SHISA6: variants seen among roughly 807,000 people sequenced by gnomAD.
SHISA6 encodes shisa family member 6.
SHISA6 carries 22 observed loss-of-function variants against 47.9 expected under a neutral mutation model. The ratio of observed to expected loss-of-function variants is 0.46; its 90% CI spans 0.33 to 0.66. The LOEUF (loss-of-function observed/expected upper bound fraction) is 0.66. Among genes scored for constraint, SHISA6 ranks in the 30% least tolerant of loss-of-function variants. The pLI is 0.02. For synonymous variants in SHISA6, 388 were observed against 337.8 expected, an observed-to-expected ratio of 1.15 and a Z score of -1.63; for missense variants, 680 against 764.6, an observed-to-expected ratio of 0.89 and a Z score of 1.30.
intron 3 of SHISA6, among the ~76,000 whole-genome samples, chr17:11,502,302 G>A (rs556909609): frequency 2.0e-5 from 3 of 151,360 alleles, no homozygotes; most frequent in African/African-American, 7.3e-5. Context: ...CCAGCTACTC[G>A]GGAGGCTGAG....
chr17:11,407,951 A>C (rs1914011632), intron 3 of SHISA6, among the ~76,000 whole-genome samples: 1 of 152,176 alleles, frequency 6.6e-6, no homozygotes, highest in Admixed American at 6.5e-5. Context: ...CTCACATTTG[A>C]AAAACCAAGA....
At chr17:11,300,730 T>C (rs1362119382) in intron 2 of SHISA6, among the ~76,000 whole-genome samples, 5 of 151,422 alleles carry the variant, frequency 3.3e-5, no homozygotes, top group Non-Finnish European at 7.4e-5. Flanking sequence ...TCATAAGAGA[T>C]GGCTCTAGGA....
At chr17:11,551,858 G>A (rs1305852387) in intron 3 of SHISA6, 38 bp from the exon 4 acceptor site, 1 of 1,523,338 alleles carries the variant, frequency 6.6e-7, no homozygotes, top group Non-Finnish European at 8.9e-7. Context: ...TGGAATGCCT[G>A]AACTCTTCTT....
intron 3 of SHISA6, among the ~76,000 whole-genome samples, chr17:11,411,096 G>C (rs1914101634): frequency 6.6e-6 from 1 of 151,910 alleles, no homozygotes; most frequent in African/African-American, 2.4e-5. Flanking sequence ...AGCCTCCTGA[G>C]TAGCTGGGAC....
chr17:11,283,752 GT>G (rs2142162892), intron 2 of SHISA6, among the ~76,000 whole-genome samples: 1 of 152,316 alleles, frequency 6.6e-6, no homozygotes, highest in South Asian at 2.1e-4. Context: ...GTAAGGTGCA[GT>G]TTTGGATTTC....
chr17:11,491,396 G>A (rs989364451), intron 3 of SHISA6, among the ~76,000 whole-genome samples: 2 of 152,130 alleles, frequency 1.3e-5, no homozygotes, highest in Non-Finnish European at 2.9e-5. Flanking sequence ...CAACTCACAG[G>A]TTCAAGCAAT....
chr17:11,503,548 C>A (rs1026127924), intron 3 of SHISA6, among the ~76,000 whole-genome samples: 2 of 152,210 alleles, frequency 1.3e-5, no homozygotes, highest in African/African-American at 2.4e-5. Flanking sequence ...CTCAGCCTGA[C>A]AGTCGGTTTC....
At chr17:11,256,231 ACAC>A (rs1280216471) in intron 1 of SHISA6, among the ~76,000 whole-genome samples, 1 of 152,174 alleles carries the variant, frequency 6.6e-6, no homozygotes, top group East Asian at 1.9e-4. Flanking sequence ...ACGGTGGCTC[ACAC>A]CTGTAGTCTC....
At chr17:11,474,871 A>G (rs1916017292) in intron 3 of SHISA6, among the ~76,000 whole-genome samples, 1 of 152,196 alleles carries the variant, frequency 6.6e-6, no homozygotes, top group Non-Finnish European at 1.5e-5. Flanking sequence ...TAATATCCAC[A>G]ATATCCACAA....
At chr17:11,467,403 A>G (rs1442893815) in intron 3 of SHISA6, among the ~76,000 whole-genome samples, 5 of 152,172 alleles carry the variant, frequency 3.3e-5, no homozygotes, top group African/African-American at 7.2e-5. Context: ...TAGAATGACA[A>G]TGGTCCTTCA....
intron 3 of SHISA6, among the ~76,000 whole-genome samples, chr17:11,388,790 T>TTATATATATATA (rs56048344): frequency 7.6e-4 from 38 of 50,012 alleles, no homozygotes; most frequent in Non-Finnish European, 1.1e-3. Context: ...AAACAAAAGT[T>TTATATATATATA]TATATATATA....
At chr17:11,485,460 A>T (rs1916323662) in intron 3 of SHISA6, among the ~76,000 whole-genome samples, 1 of 152,180 alleles carries the variant, frequency 6.6e-6, no homozygotes, top group Admixed American at 6.5e-5. Context: ...GTCTCACATT[A>T]ACTACCTACA....
At chr17:11,436,681 G>A (rs140893314) in intron 3 of SHISA6, among the ~76,000 whole-genome samples, 83 of 152,342 alleles carry the variant, frequency 5.4e-4, no homozygotes, top group Admixed American at 3.9e-3. Flanking sequence ...GCTGATCACA[G>A]TAGACACTGA....
Position 11,242,003 on chromosome 17 carries a change from T to C in SHISA6, c.581T>C (p.Phe194Ser). 6.4e-7 allele frequency: 1 copy of C among 1,551,096 alleles called. No individual in the cohort carries two copies. Among genetic ancestry groups the C allele is most frequent in the Non-Finnish European group, 8.7e-7 (1 of 1,146,990 alleles). Reference sequence around the variant, plus strand: ...GCCTTCGTCATCGTGGCCGGCGTCTTCGCCAAGGTCTCCTACGACAAGGCC... The same window carrying C: ...GCCTTCGTCATCGTGGCCGGCGTCTCCGCCAAGGTCTCCTACGACAAGGCC... The part of the protein sequence containing the change: ...VIAFVIVAGV[F>S]AKVSYDKAHR... The change falls in exon 1 of 6, where the codon TTC becomes TCC. Residue 194 changes from phenylalanine (F) to serine (S), a missense_variant. Physicochemically the swap from Phe to Ser is radical, Grantham distance 155. Around this residue, in one of 2 missense-constraint regions of SHISA6, gnomAD observed 559 missense variants for 674.1 expected, o/e 0.83. Transcript: ENST00000441885.
chr17:11,458,456 G>A (rs1329628225), intron 3 of SHISA6, among the ~76,000 whole-genome samples: 6 of 152,136 alleles, frequency 3.9e-5, no homozygotes, highest in Non-Finnish European at 5.9e-5. Flanking sequence ...AGCAGACGCC[G>A]AAGAAGGAGT....
intron 2 of SHISA6, among the ~76,000 whole-genome samples, 180 bp from the exon 3 acceptor site, chr17:11,379,234 T>G (rs1912925122): frequency 6.7e-6 from 1 of 148,488 alleles, no homozygotes; most frequent in Non-Finnish European, 1.5e-5. Context: ...ATATATATTT[T>G]TCATATATAA....
intron 3 of SHISA6, among the ~76,000 whole-genome samples, chr17:11,419,535 C>T (rs1405605832): frequency 2.0e-5 from 3 of 152,026 alleles, no homozygotes; most frequent in Non-Finnish European, 4.4e-5. Flanking sequence ...TTGAGTGAAC[C>T]GTTAGGAGTT....
chr17:11,275,006 A>G (rs549913340), intron 2 of SHISA6, among the ~76,000 whole-genome samples: 1 of 152,320 alleles, frequency 6.6e-6, no homozygotes, highest in East Asian at 1.9e-4. Flanking sequence ...AGGTTTGCAG[A>G]AGGGCACAGT....
chr17:11,379,321 GC>G, intron 2 of SHISA6, 92 bp from the exon 3 acceptor site: 1 of 796,050 alleles, frequency 1.3e-6, no homozygotes, highest in Non-Finnish European at 1.9e-6. Flanking sequence ...TTGAAAACAT[GC>G]ACGCCATCAC....
Sources: gnomAD v4.1 joint callset for allele counts (sites outside exome capture counted in the v4.1 genomes callset) on GRCh38, gnomAD v4.1.1 for gene constraint, gnomAD v4.1.1 regional missense constraint, MANE v1.5 for transcripts, NCBI Gene and HGNC (gene_info 2026-07-23, HGNC 2026-07-21) for gene names.